The following SLC34A3 variants were observed in gnomAD, a reference collection of about 807,000 sequenced individuals.
SLC34A3 encodes the protein solute carrier family 34 member 3.
Under a neutral mutation model 43.9 loss-of-function variants are expected in SLC34A3, and 60 were observed. The observed-to-expected ratio is 1.37, with a 90% confidence interval of 1.11 to 1.70. The LOEUF (loss-of-function observed/expected upper bound fraction) is 1.70, where lower values mean the gene tolerates loss of function less well. Ranked by LOEUF, SLC34A3 falls within the 40% of genes most tolerant of loss-of-function variation. The pLI, the probability that SLC34A3 is intolerant of heterozygous loss-of-function variation, is 0.00. For synonymous variants in SLC34A3, 451 were observed against 386.2 expected (o/e 1.17, Z -1.97); for missense variants, 969 against 823.8 (o/e 1.18, Z -2.16).
In SLC34A3 at chr9:137,232,181, G is replaced by C. The variant is rs1191893328; in HGVS notation, c.175+20G>C. On this transcript the variant is annotated intron_variant, in intron 3 of 12. Coordinates refer to ENST00000673835, the MANE Select transcript of SLC34A3 (RefSeq NM_001177316.2). ...GGAAAGGTGGGTCTGGAGGTTCCGG[G>C]GGTGGCAGGCTGGCAGGCCTCTGTC... 1.9e-6 allele frequency: 3 copies of C among 1,610,072 alleles called. No individual in the cohort carries two copies. Among genetic ancestry groups the C allele is most frequent in the Admixed American group, 3.3e-5 (2 of 60,030 alleles).
chr9:137,234,048 G>GCCCGGCCCAC lies in SLC34A3; in HGVS notation c.926-47_926-38dup, dbSNP rs764132111. 2.0e-6 allele frequency: 3 copies of GCCCGGCCCAC among 1,473,152 alleles called. No homozygotes were observed. Among genetic ancestry groups the GCCCGGCCCAC allele is most frequent in the Admixed American group, 2.0e-5 (1 of 50,548 alleles). The allele number at this position is 1,473,152 out of a possible 1,614,324, so 91.3% of individuals were successfully genotyped here. A position where few individuals can be genotyped will look rare whatever the true frequency, so the allele number is the denominator to read the frequency against. On this transcript the variant is annotated intron_variant, in intron 9 of 12. Transcript: ENST00000673835. The surrounding 1 kb of genome is among the most constrained non-coding windows in gnomAD (Gnocchi z 6.9). ...CCCGGCGGACAGGCTGCCCTGTGAG[G>GCCCGGCCCAC]CCCGGCCCACCCCGGCCCACCCCCC...
upstream of SLC34A3, among the ~76,000 whole-genome samples, chr9:137,229,990 C>T (rs1482514934): frequency 1.3e-5 from 2 of 152,102 alleles, no homozygotes; most frequent in African/African-American, 2.4e-5. Flanking sequence ...AGGAGGGAGA[C>T]GGAAGAGAAT....
rs1217350153 is a variant in SLC34A3, at chr9:137,234,323, C to T, written c.1093+47C>T. ...CGGTGGCCAGGGCTGACCCAGCATC[C>T]CCCATAGACTTCCCCTTCCCACCAG... On this transcript the variant is annotated intron_variant, in intron 10 of 12. Coordinates refer to ENST00000673835, the MANE Select transcript of SLC34A3 (RefSeq NM_001177316.2). This position sits in a 1 kb window ranked among gnomAD's most constrained non-coding sequence, Gnocchi z 6.9. 1.9e-6 allele frequency: 3 copies of T among 1,604,482 alleles called. No individual in the cohort carries two copies. Among genetic ancestry groups the T allele is most frequent in the African/African-American group, 2.7e-5 (2 of 74,844 alleles).
intron 8 of SLC34A3, 57 bp downstream of exon 8, chr9:137,233,779 T>TTGGCCCCCCCCCCCCCC: frequency 4.8e-6 from 7 of 1,445,790 alleles, no homozygotes; most frequent in Admixed American, 3.5e-5. Context: ...TGCTGAGTCA[T>TTGGCCCCCCCCCCCCCC]CCCGCCCCAC....
In SLC34A3 at chr9:137,234,094, C is replaced by T; in HGVS notation, c.926-15C>T. 6.5e-7 allele frequency: 1 copy of T among 1,549,140 alleles called. No individual in the cohort carries two copies. Among genetic ancestry groups the T allele is most frequent in the Non-Finnish European group, 8.7e-7 (1 of 1,153,804 alleles). ...CCCCCAGGCTCCCCCTCACCTGCCCCTGCCCTGCCCCCAGGCCGCCACCTG... is the reference window on the plus strand; with the variant it reads ...CCCCCAGGCTCCCCCTCACCTGCCCTTGCCCTGCCCCCAGGCCGCCACCTG... On this transcript the variant is annotated splice_polypyrimidine_tract_variant and intron_variant, in intron 9 of 12. Coordinates refer to ENST00000673835, the MANE Select transcript of SLC34A3 (RefSeq NM_001177316.2). This position sits in a 1 kb window ranked among gnomAD's most constrained non-coding sequence, Gnocchi z 6.9.
At chr9:137,233,166 C>T in intron 6 of SLC34A3, 43 bp from the exon 7 acceptor site, 5 of 1,551,036 alleles carry the variant, frequency 3.2e-6, no homozygotes, top group Non-Finnish European at 1.7e-6. Flanking sequence ...CAGCCCCAGC[C>T]CGGGCCCCCC....
intron 6 of SLC34A3, 30 bp from the exon 7 acceptor site, chr9:137,233,179 C>T: frequency 1.9e-6 from 3 of 1,560,324 alleles, no homozygotes; most frequent in Non-Finnish European, 2.6e-6. Flanking sequence ...GGCCCCCCCA[C>T]CTGACCCTGC....
rs1412515280 is a variant in SLC34A3 at position 137,233,073 on chromosome 9, T to C, written c.518T>C (p.Leu173Pro). ...GTAGGCACATCCATCACCAGCACCC[T>C]GGTCTCAATGGCGCAGTCAGGGGAC... ...VNVGTSITST[L>P]VSMAQSGDRD... The change falls in exon 6 of 13, where the codon CTG (leucine) becomes CCG (proline). Residue 173 changes from leucine (L) to proline (P), a missense_variant. Physicochemically the swap from Leu to Pro is moderately conservative, Grantham distance 98 (BLOSUM62 -3). Transcript: ENST00000673835. 1 of 1,608,834 alleles carries C rather than the reference T, an allele frequency of 6.2e-7. No homozygotes were observed.
In SLC34A3 at chr9:137,236,201, A is replaced by G. The variant is rs140639805; in HGVS notation, c.1585A>G (p.Ile529Val). 6.3e-7 allele frequency: 1 copy of G among 1,596,336 alleles called. No homozygotes were observed. Among genetic ancestry groups the G allele is most frequent in the Non-Finnish European group, 8.5e-7 (1 of 1,173,622 alleles). ...GPLVGLVLLV[I>V]LVTVLQRRRP... ...CCTGGTGGGGCTGGTGCTCCTCGTC[A>G]TCCTGGTTACTGTCCTGCAGCGGCG... Residue 529 changes from isoleucine to valine, a missense_variant, in exon 13 of 13, where the codon ATC becomes GTC. By Grantham distance (29) the Ile-to-Val change is conservative (BLOSUM62 3). Transcript: ENST00000673835.
chr9:137,230,320 C>T (rs1277650145), upstream of SLC34A3, among the ~76,000 whole-genome samples: 1 of 152,186 alleles, frequency 6.6e-6, no homozygotes, highest in South Asian at 2.1e-4. Context: ...TATACCAGGG[C>T]CGAGCCCGCT....
rs748238812 is a variant in SLC34A3, at chr9:137,233,420, G to GC, written c.756+21dup. On this transcript the variant is annotated intron_variant, in intron 7 of 12. Transcript: ENST00000673835. ...CATCGTGCAGGTGAGGACGGCCACCGCCCCCGCCCAGAGAGCCTGAGCAGG... is the reference window on the plus strand; with the variant it reads ...CATCGTGCAGGTGAGGACGGCCACCGCCCCCCGCCCAGAGAGCCTGAGCAGG... 6 of 1,591,704 alleles carry GC rather than the reference G, an allele frequency of 3.8e-6. No individual in the cohort carries two copies. The Admixed American group carries it at 8.7e-5, about 23-fold the overall frequency.
Position 137,234,035 on chromosome 9 carries a change from G to C in SLC34A3, c.926-74G>C. 6.6e-7 allele frequency: 1 copy of C among 1,509,902 alleles called. No individual in the cohort carries two copies. Among genetic ancestry groups the C allele is most frequent in the Non-Finnish European group, 8.9e-7 (1 of 1,126,030 alleles). 93.5% of individuals were successfully genotyped at this position (1,509,902 alleles called of 1,614,324 possible). A position where few individuals can be genotyped will look rare whatever the true frequency, so the allele number is the denominator to read the frequency against. The stretch of plus-strand genomic sequence containing the variant: ...GGAACAGCACAGCCCCGGCGGACAG[G>C]CTGCCCTGTGAGGCCCGGCCCACCC... On this transcript the variant is annotated intron_variant, in intron 9 of 12. Coordinates refer to ENST00000673835, the MANE Select transcript of SLC34A3 (RefSeq NM_001177316.2). This position sits in a 1 kb window ranked among gnomAD's most constrained non-coding sequence, Gnocchi z 6.9.
intron 2 of SLC34A3, 131 bp downstream of exon 2, chr9:137,231,918 G>A: frequency 8.9e-7 from 1 of 1,122,020 alleles, no homozygotes; most frequent in South Asian, 1.2e-5. Flanking sequence ...CTCCACTCAG[G>A]TCCAGCCCAG....
At chr9:137,232,411 G>A (rs1836272096) in intron 3 of SLC34A3, among the ~76,000 whole-genome samples, 164 bp from the exon 4 acceptor site, 2 of 152,246 alleles carry the variant, frequency 1.3e-5, no homozygotes, top group Admixed American at 1.3e-4. Flanking sequence ...TTCTGGCTTG[G>A]AAAGGCAGGA....
intron 8 of SLC34A3, 57 bp downstream of exon 8, chr9:137,233,779 T>TTGGGGCGC: frequency 2.1e-6 from 3 of 1,445,804 alleles, no homozygotes; most frequent in Non-Finnish European, 2.9e-6. Flanking sequence ...TGCTGAGTCA[T>TTGGGGCGC]CCCGCCCCAC....
Position 137,235,935 on chromosome 9 carries a change from A to G in SLC34A3, c.1336-17A>G, listed in dbSNP as rs1337180529. ...ACCTCGTTGGGCCCAGGCCCCTGAC[A>G]GCCCCCTCGCCCCCAGGTCGCCCTC... On this transcript the variant is annotated splice_polypyrimidine_tract_variant and intron_variant, in intron 12 of 12. Transcript: ENST00000673835. 6.2e-7 allele frequency: 1 copy of G among 1,609,928 alleles called. No homozygotes were observed. Among genetic ancestry groups the G allele is most frequent in the Admixed American group, 1.7e-5 (1 of 60,006 alleles).
chr9:137,232,682 T>A lies in SLC34A3; in HGVS notation c.283T>A (p.Ser95Thr). Residue 95 changes from serine (S) to threonine (T), a missense_variant, in exon 4 of 13, where the codon TCC becomes ACC. Physicochemically the swap from Ser to Thr is moderately conservative, Grantham distance 58. Transcript: ENST00000673835. The stretch of plus-strand genomic sequence containing the variant: ...CATCTGCTCTCTGGACGTCCTCAGC[T>A]CCGCCTTCCAGCTGCTGGGCAGTGA... ...FFICSLDVLS[S>T]AFQLLGSKVA... 6.2e-7 allele frequency: 1 copy of A among 1,612,830 alleles called. No individual in the cohort carries two copies. Among genetic ancestry groups the A allele is most frequent in the South Asian group, 1.1e-5 (1 of 91,088 alleles).
intron 3 of SLC34A3, among the ~76,000 whole-genome samples, 165 bp downstream of exon 3, chr9:137,232,326 T>G (rs964766593): frequency 6.6e-6 from 1 of 152,208 alleles, no homozygotes; most frequent in Non-Finnish European, 1.5e-5. Context: ...GTGTCTGTGC[T>G]GTCCTGGGGC....
rs1554785389 is a variant in SLC34A3 at position 137,236,249 on chromosome 9, CGCCTGCGCTCCTGG to C, written c.1639_1652del (p.Arg547AlafsTer41). 6.5e-7 allele frequency: 1 copy of C among 1,548,738 alleles called. No homozygotes were observed. Among genetic ancestry groups the C allele is most frequent in the East Asian group, 2.4e-5 (1 of 41,026 alleles). ...GCGCCGGCCGGCCTGGCTGCCTGTC[CGCCTGCGCTCCTGG>C]GCCTGGCTCCCCGTCTGGCTCCATT... On this transcript the variant is annotated frameshift_variant, in exon 13 of 13. Coordinates refer to ENST00000673835, the MANE Select transcript of SLC34A3 (RefSeq NM_001177316.2). LOFTEE classifies it low-confidence loss of function (END_TRUNC).
Sources: allele counts gnomAD v4.1 joint callset (sites outside exome capture counted in the v4.1 genomes callset), GRCh38; gene constraint gnomAD v4.1.1; non-coding constraint Gnocchi (gnomAD v3.1); transcripts MANE v1.5; gene names NCBI Gene and HGNC (gene_info 2026-07-23, HGNC 2026-07-21).